The following GRIN3A variants were observed in gnomAD, a reference collection of about 807,000 sequenced individuals.
The protein encoded by GRIN3A is glutamate ionotropic receptor NMDA type subunit 3A, also known as glutamate receptor ionotropic, NMDA 3A.
Under a neutral mutation model 92.4 loss-of-function variants are expected in GRIN3A, and 47 were observed. That is an observed-to-expected ratio of 0.51 (90% CI 0.40 to 0.65). GRIN3A has a LOEUF of 0.65. Ranked by LOEUF, GRIN3A falls within the 30% of genes least tolerant of loss-of-function variation. The pLI, the probability that GRIN3A is intolerant of heterozygous loss-of-function variation, is 0.00. For missense variants in GRIN3A, 1,324 were observed against 1,393.1 expected (o/e 0.95, Z 0.79); for synonymous variants, 527 against 540.6 (o/e 0.97, Z 0.35).
At chr9:101,650,413 A>G (rs1297617882) in intron 3 of GRIN3A, among the ~76,000 whole-genome samples, 1 of 152,052 alleles carries the variant, frequency 6.6e-6, no homozygotes, top group Non-Finnish European at 1.5e-5. Flanking sequence ...TGCTTGTGCC[A>G]TAGCCCTCTG....
At chr9:101,644,096 C>A (rs1312399710) in intron 3 of GRIN3A, among the ~76,000 whole-genome samples, 1 of 151,790 alleles carries the variant, frequency 6.6e-6, no homozygotes, top group African/African-American at 2.4e-5. Flanking sequence ...AATCACTTCA[C>A]AATGTACACA....
chr9:101,736,567 G>T (rs933366384), intron 1 of GRIN3A, among the ~76,000 whole-genome samples: 1 of 151,824 alleles, frequency 6.6e-6, no homozygotes, highest in South Asian at 2.1e-4. Flanking sequence ...CAGCCTCTGA[G>T]TCCACATTAC....
At chr9:101,617,813 A>G (rs1303811633) in intron 5 of GRIN3A, among the ~76,000 whole-genome samples, 1 of 121,692 alleles carries the variant, frequency 8.2e-6, no homozygotes, top group East Asian at 2.7e-4. Flanking sequence ...CAACCCCACA[A>G]CAGTCCCCAG....
rs189114693 is a variant in GRIN3A at position 101,706,364 on chromosome 9, C to T, written c.700-19164G>A. On this transcript the variant is annotated intron_variant, in intron 1 of 8. Transcript: ENST00000361820. ...ATATGGGTCAGATGCACTTAAATGA[C>T]TTCCATGGGTGGCCATGGTCTGTCT... is the stretch of plus-strand genomic sequence containing the variant. Among the ~76,000 whole-genome samples, 114 of 152,320 alleles carry T rather than the reference C, an allele frequency of 7.5e-4. No individual in the cohort carries two copies. The Middle Eastern group carries it at 0.024, about 32-fold the overall frequency.
chr9:101,613,257 T>A, intron 6 of GRIN3A, 119 bp downstream of exon 6: 1 of 1,077,726 alleles, frequency 9.3e-7, no homozygotes, highest in East Asian at 2.5e-5. Flanking sequence ...ATCCAAATAT[T>A]ATGCAAGAGT....
intron 3 of GRIN3A, among the ~76,000 whole-genome samples, chr9:101,653,983 T>C (rs1271590232): frequency 6.6e-6 from 1 of 151,880 alleles, no homozygotes; most frequent in Non-Finnish European, 1.5e-5. Context: ...AGGAGCTCTT[T>C]CTGGGCTTTT....
chr9:101,737,542 CA>C lies in GRIN3A; in HGVS notation c.437del (p.Leu146ArgfsTer5). 3 of 1,614,234 alleles carry C rather than the reference CA, an allele frequency of 1.9e-6. No homozygotes were observed. Among genetic ancestry groups the C allele is most frequent in the Non-Finnish European group, 2.5e-6 (3 of 1,180,034 alleles). On this transcript the variant is annotated frameshift_variant, in exon 1 of 9. Coordinates refer to ENST00000361820, the MANE Select transcript of GRIN3A (RefSeq NM_133445.3). LOFTEE classifies it high-confidence loss of function. ...CGATGGCCATCACTACTTCCAAAGACAGGTTGTAGGGTAGCAGCCCTTCCAC... is the reference window on the plus strand; with the variant it reads ...CGATGGCCATCACTACTTCCAAAGACGGTTGTAGGGTAGCAGCCCTTCCAC... ...NRVEGLLPYNLSLEVVMAIEA... is the reference protein window; with the variant it reads ...NRVEGLLPYNXSLEVVMAIEA...
intron 6 of GRIN3A, among the ~76,000 whole-genome samples, chr9:101,587,399 A>C (rs535332436): frequency 6.6e-5 from 10 of 152,160 alleles, no homozygotes; most frequent in African/African-American, 2.4e-4. Context: ...TCTAGCTCCG[A>C]GGTGTGAATA....
At chr9:101,717,421 C>T (rs1047322299) in intron 1 of GRIN3A, among the ~76,000 whole-genome samples, 2 of 152,190 alleles carry the variant, frequency 1.3e-5, no homozygotes, top group African/African-American at 4.8e-5. Context: ...TGGGAATCTA[C>T]ATTTTGAAAT....
chr9:101,674,117 T>C (rs938791028), intron 2 of GRIN3A, among the ~76,000 whole-genome samples: 2 of 151,844 alleles, frequency 1.3e-5, no homozygotes, highest in Non-Finnish European at 2.9e-5. Flanking sequence ...GTGAGCTGTT[T>C]GACGATAAGA....
At chr9:101,573,612 G>T in intron 8 of GRIN3A, 99 bp from the exon 9 acceptor site, 1 of 950,888 alleles carries the variant, frequency 1.1e-6, no homozygotes, top group Non-Finnish European at 1.7e-6. Flanking sequence ...TATGGAGCTG[G>T]GTGTGCATTT....
chr9:101,629,529 C>T (rs1233411227), intron 3 of GRIN3A, among the ~76,000 whole-genome samples: 1 of 152,132 alleles, frequency 6.6e-6, no homozygotes, highest in Non-Finnish European at 1.5e-5. Flanking sequence ...CTCTTAAAAC[C>T]TGTTGTTCAT....
At chr9:101,580,525 A>G (rs1827874812) in intron 6 of GRIN3A, among the ~76,000 whole-genome samples, 2 of 152,138 alleles carry the variant, frequency 1.3e-5, no homozygotes, top group Admixed American at 1.3e-4. Context: ...TTTAAGGGGA[A>G]AAAGATGGTG....
rs558571997 is a variant in GRIN3A at position 101,570,058 on chromosome 9, C to G, written c.*3116G>C. The stretch of plus-strand genomic sequence containing the variant: ...ATTAAAGACCTCGACTGCTTGGGTC[C>G]CTGTGGCTGCTTCACTTGGCTGTCC... On this transcript the variant is annotated 3_prime_UTR_variant, in exon 9 of 9. Transcript: ENST00000361820. 228 of 152,284 alleles carry G rather than the reference C, an allele frequency of 1.5e-3. 1 individual carries two copies. The highest frequency in any genetic ancestry group is 5.2e-3 in the African/African-American group (215 of 41,564). 9.4% of individuals were successfully genotyped at this position (152,284 alleles called of 1,614,324 possible).
intron 2 of GRIN3A, among the ~76,000 whole-genome samples, chr9:101,677,708 C>T (rs1829416987): frequency 6.6e-6 from 1 of 152,030 alleles, no homozygotes; most frequent in African/African-American, 2.4e-5. Context: ...GTGGTATCTG[C>T]CTTCCTTTTA....
In GRIN3A at chr9:101,670,924, C is replaced by A. The variant is rs758583118; in HGVS notation, c.1488G>T (p.Trp496Cys). 1 of 1,613,626 alleles carries A rather than the reference C, an allele frequency of 6.2e-7. No homozygotes were observed. The highest frequency in any genetic ancestry group is 1.1e-5 in the South Asian group (1 of 91,070). The change falls in exon 3 of 9, where the codon TGG becomes TGT. Residue 496 changes from tryptophan (W) to cysteine (C), a missense_variant. Coordinates refer to ENST00000361820, the MANE Select transcript of GRIN3A (RefSeq NM_133445.3). ...TTTTGTGTCTCTGGGCCTGCTCTGG[C>A]CATATTCCATAGTCCATGACAATCT... The part of the protein sequence containing the change: ...GGKIVMDYGI[W>C]PEQAQRHKTH...
chr9:101,579,278 A>T lies in GRIN3A; in HGVS notation c.2849T>A (p.Ile950Asn). 2 of 1,614,050 alleles carry T rather than the reference A, an allele frequency of 1.2e-6. No individual in the cohort carries two copies. Among genetic ancestry groups the T allele is most frequent in the Non-Finnish European group, 1.7e-6 (2 of 1,179,924 alleles). The part of the protein sequence containing the change: ...IGFGLSILTT[I>N]GEHIVYRLLL... ...CAGCCTGTATACTATGTGCTCACCA[A>T]TGGTGGTCAAAATGGACAGACCAAA... The change falls in exon 7 of 9, where the codon ATT becomes AAT. Residue 950 changes from isoleucine (I) to asparagine (N), a missense_variant. Physicochemically the swap from Ile to Asn is moderately radical, Grantham distance 149. Transcript: ENST00000361820.
intron 6 of GRIN3A, among the ~76,000 whole-genome samples, chr9:101,611,109 A>C (rs1423323721): frequency 6.6e-6 from 1 of 151,776 alleles, no homozygotes; most frequent in Non-Finnish European, 1.5e-5. Context: ...AAAAAAAAAA[A>C]AAAACCAACC....
At chr9:101,579,102 A>G in intron 7 of GRIN3A, 94 bp downstream of exon 7, 1 of 1,300,894 alleles carries the variant, frequency 7.7e-7, no homozygotes, top group Non-Finnish European at 1.1e-6. Context: ...TTGTGGTAAC[A>G]TAACTTAGTA....
Sources: allele counts gnomAD v4.1 joint callset (sites outside exome capture counted in the v4.1 genomes callset), GRCh38; gene constraint gnomAD v4.1.1; transcripts MANE v1.5; gene names NCBI Gene and HGNC (gene_info 2026-07-23, HGNC 2026-07-21).